ELAPOR2: variants seen among roughly 807,000 people sequenced by gnomAD.
ELAPOR2 encodes the protein endosome-lysosome associated apoptosis and autophagy regulator family member 2, also known as endosome/lysosome-associated apoptosis and autophagy regulator family member 2.
In ELAPOR2, 89 loss-of-function variants were observed where a neutral mutation model predicts 120.7. The ratio of observed to expected loss-of-function variants is 0.74; its 90% CI spans 0.62 to 0.88. ELAPOR2 has a LOEUF of 0.88. Among genes scored for constraint, ELAPOR2 ranks in the 40% least tolerant of loss-of-function variants. The pLI, the probability that ELAPOR2 is intolerant of heterozygous loss-of-function variation, is 0.00. For synonymous variants in ELAPOR2, 444 were observed against 444.9 expected (o/e 1.00, Z 0.03); for missense variants, 1,134 against 1,251.6 (o/e 0.91, Z 1.42).
intron 1 of ELAPOR2, among the ~76,000 whole-genome samples, chr7:87,003,373 C>T (rs1271758564): frequency 2.0e-5 from 3 of 152,026 alleles, no homozygotes; most frequent in Admixed American, 6.6e-5. Context: ...AATTGTAATC[C>T]CCAGTGTTGG....
intron 5 of ELAPOR2, 128 bp from the exon 6 acceptor site, chr7:86,940,243 A>G (rs1353548616): frequency 2.0e-6 from 1 of 489,772 alleles, no homozygotes; most frequent in Non-Finnish European, 3.6e-6. Context: ...ATTTAAGTCC[A>G]CTGTTAATTC....
In ELAPOR2 at chr7:86,917,366, G is replaced by A. The variant is rs147230205; in HGVS notation, c.1593+1076C>T. Among the ~76,000 whole-genome samples the A allele has an allele frequency of 2.5e-3, 378 of 152,084 alleles. 4 individuals carry two copies. The highest frequency in any genetic ancestry group is 7.5e-3 in the African/African-American group (312 of 41,508). ...CAGGAGGCAGAGGTTGCAGTGAGCC[G>A]AGATCGCACCACTGCACTCCAGCCT... On this transcript the variant is annotated intron_variant, in intron 12 of 21. Coordinates refer to ENST00000450689, the MANE Select transcript of ELAPOR2 (RefSeq NM_001142749.3).
intron 1 of ELAPOR2, among the ~76,000 whole-genome samples, chr7:87,021,429 T>C (rs1794037500): frequency 6.6e-6 from 1 of 152,160 alleles, no homozygotes; most frequent in Admixed American, 6.6e-5. Context: ...TAAATAAATA[T>C]ACTGCCATAT....
chr7:86,944,861 C>G, intron 4 of ELAPOR2, 38 bp downstream of exon 4: 2 of 1,485,802 alleles, frequency 1.3e-6, no homozygotes, highest in Non-Finnish European at 1.8e-6. Context: ...ACATGAATGT[C>G]CCTTAAAAAG....
At chr7:86,955,268 A>AT (rs572665280) in intron 2 of ELAPOR2, among the ~76,000 whole-genome samples, 1 of 152,298 alleles carries the variant, frequency 6.6e-6, no homozygotes, top group African/African-American at 2.4e-5. Flanking sequence ...AAATAAAAGT[A>AT]TGATAGGGAA....
Position 86,982,415 on chromosome 7 carries a change from G to A in ELAPOR2, c.190-17391C>T, listed in dbSNP as rs10260338. ...TGGGAGATACCTCCCAGTAGGGGCC[G>A]ACTGACACCTCATATAGGTGGGTGC... On this transcript the variant is annotated intron_variant, in intron 1 of 21. Coordinates refer to ENST00000450689, the MANE Select transcript of ELAPOR2 (RefSeq NM_001142749.3). Among the ~76,000 whole-genome samples the A allele has an allele frequency of 4.0e-3, 609 of 152,294 alleles. 4 individuals carry two copies. The highest frequency in any genetic ancestry group is 0.014 in the African/African-American group (583 of 41,568).
intron 1 of ELAPOR2, among the ~76,000 whole-genome samples, chr7:87,054,824 AT>A (rs1452562274): frequency 6.6e-6 from 1 of 152,156 alleles, no homozygotes; most frequent in Non-Finnish European, 1.5e-5. Flanking sequence ...TAATCACAGA[AT>A]TCAATCTTCT....
chr7:86,891,839 C>T lies in ELAPOR2; in HGVS notation c.2915G>A (p.Cys972Tyr). Residue 972 changes from cysteine (C) to tyrosine (Y), a missense_variant, in exon 21 of 22, where the codon TGT becomes TAT. Cys to Tyr is a radical substitution (Grantham distance 194). Around this residue, in one of 3 missense-constraint regions of ELAPOR2, gnomAD observed 831 missense variants for 867.6 expected, o/e 0.96. Coordinates refer to ENST00000450689, the MANE Select transcript of ELAPOR2 (RefSeq NM_001142749.3). ...ACAACTGTCTGCAGCCGGGAGTTCA[C>T]ACTCTTTTGAGTTAGTCGTCATTAC... is the stretch of plus-strand genomic sequence containing the variant. ...KLVMTTNSKE[C>Y]ELPAADSCAI... 1 of 1,611,706 alleles carries T rather than the reference C, an allele frequency of 6.2e-7. No individual in the cohort carries two copies. Among genetic ancestry groups the T allele is most frequent in the Non-Finnish European group, 8.5e-7 (1 of 1,178,608 alleles).
At chr7:86,981,289 C>T (rs1161980044) in intron 1 of ELAPOR2, among the ~76,000 whole-genome samples, 1 of 152,198 alleles carries the variant, frequency 6.6e-6, no homozygotes, top group African/African-American at 2.4e-5. Context: ...ACATCTCACG[C>T]CACTCTCTAG....
At position 86,892,959 on chromosome 7, in the gene ELAPOR2, C is replaced by T; in HGVS notation, c.2827G>A (p.Val943Met). Residue 943 changes from valine (V) to methionine (M), a missense_variant, in exon 20 of 22, where the codon GTG becomes ATG. Val to Met is a conservative substitution (Grantham distance 21). Coordinates refer to ENST00000450689, the MANE Select transcript of ELAPOR2 (RefSeq NM_001142749.3). ...GVGAFTAVLL[V>M]ALTCYFWKKN... ...TTCCAGAAGTAGCAGGTCAGAGCCA[C>T]CAGCAAAACGGCAGTAAAAGCTCCC... 6.4e-7 allele frequency: 1 copy of T among 1,573,150 alleles called. No individual in the cohort carries two copies. Among genetic ancestry groups the T allele is most frequent in the Non-Finnish European group, 8.6e-7 (1 of 1,166,970 alleles).
chr7:86,963,039 T>A (rs761286668), intron 2 of ELAPOR2, among the ~76,000 whole-genome samples: 1 of 152,216 alleles, frequency 6.6e-6, no homozygotes, highest in African/African-American at 2.4e-5. Context: ...AATGTAAGTA[T>A]ACTATAAGGG....
rs1012430551 is a variant in ELAPOR2 at position 86,879,182 on chromosome 7, CCT to C, written c.*1287_*1288del. 8.5e-5 allele frequency: 13 copies of C among 152,070 alleles called. No individual in the cohort carries two copies. Among genetic ancestry groups the C allele is most frequent in the Admixed American group, 2.6e-4 (4 of 15,252 alleles). 9.4% of individuals were successfully genotyped at this position (152,070 alleles called of 1,614,324 possible). ...AGATCAGCAATGGCCAGGAAACCCC[CCT>C]CTTTCCCAGTTTTAAATCAATTAAG... On this transcript the variant is annotated 3_prime_UTR_variant, in exon 22 of 22. Coordinates refer to ENST00000450689, the MANE Select transcript of ELAPOR2 (RefSeq NM_001142749.3).
intron 2 of ELAPOR2, among the ~76,000 whole-genome samples, chr7:86,953,481 A>T (rs1185340676): frequency 6.6e-6 from 1 of 151,896 alleles, no homozygotes; most frequent in Non-Finnish European, 1.5e-5. Flanking sequence ...AGCCTCATCC[A>T]CTCTCTATGT....
rs1423880189 is a variant in ELAPOR2, at chr7:86,937,811, AC to A, written c.1089+314del. Among the ~76,000 whole-genome samples, 10 of 152,218 alleles carry A rather than the reference AC, an allele frequency of 6.6e-5. No individual in the cohort carries two copies. In the East Asian group the frequency reaches 1.7e-3, roughly 27 times the overall value. On this transcript the variant is annotated intron_variant, in intron 8 of 21. Coordinates refer to ENST00000450689, the MANE Select transcript of ELAPOR2 (RefSeq NM_001142749.3). The stretch of plus-strand genomic sequence containing the variant: ...ATTTATTGAGCACTATGTGACAGGC[AC>A]TGGGCTAGGAACTTTACATTAAATA...
At position 87,048,159 on chromosome 7, in the gene ELAPOR2, G is replaced by T. The variant is rs113159069; in HGVS notation, c.189+11166C>A. ...CTCGGGAAGCTGAGGCAGGAGAATC[G>T]CTTGAACCTGGGAGGCGGAGGTTGC... On this transcript the variant is annotated intron_variant, in intron 1 of 21. Transcript: ENST00000450689. Among the ~76,000 whole-genome samples, 6 of 151,880 alleles carry T rather than the reference G, an allele frequency of 4.0e-5. No homozygotes were observed. In the East Asian group the frequency reaches 1.2e-3, roughly 29 times the overall value.
chr7:86,895,732 C>CTAGGAGAG (rs1788408381), intron 19 of ELAPOR2, among the ~76,000 whole-genome samples: 1 of 152,010 alleles, frequency 6.6e-6, no homozygotes, highest in Non-Finnish European at 1.5e-5. Context: ...TCATTACCTT[C>CTAGGAGAG]CAGGAGAGAA....
chr7:86,963,983 C>T (rs1999946), intron 2 of ELAPOR2, among the ~76,000 whole-genome samples: 11,937 of 152,202 alleles, frequency 0.078, 571 homozygotes, highest in African/African-American at 0.12. Flanking sequence ...TGCAGTTTCC[C>T]TTTTATCAGT....
chr7:86,967,635 T>C (rs879700875), intron 1 of ELAPOR2, among the ~76,000 whole-genome samples: 2 of 152,160 alleles, frequency 1.3e-5, no homozygotes, highest in African/African-American at 4.8e-5. Flanking sequence ...TCCAAAAAAC[T>C]TTCCTCCATC....
intron 1 of ELAPOR2, among the ~76,000 whole-genome samples, chr7:87,030,548 G>A (rs114798754): frequency 0.017 from 2,652 of 152,234 alleles, 90 homozygotes; most frequent in African/African-American, 0.06. Context: ...AGCTGCCACC[G>A]TACATATTTT....
Sources: allele counts gnomAD v4.1 joint callset (sites outside exome capture counted in the v4.1 genomes callset), GRCh38; gene constraint gnomAD v4.1.1; regional missense constraint gnomAD v4.1.1; transcripts MANE v1.5; gene names NCBI Gene and HGNC (gene_info 2026-07-23, HGNC 2026-07-21).